The following NCOA2 variants were observed in gnomAD, a reference collection of about 807,000 sequenced individuals.
The protein encoded by NCOA2 is nuclear receptor coactivator 2.
In NCOA2, 21 loss-of-function variants were observed where a neutral mutation model predicts 145.1. The ratio of observed to expected loss-of-function variants is 0.14; its 90% CI spans 0.10 to 0.21. The LOEUF is 0.21. Ranked by LOEUF, NCOA2 falls within the 10% of genes least tolerant of loss-of-function variation. The pLI is 1.00. For synonymous variants in NCOA2, 619 were observed against 637.5 expected, an observed-to-expected ratio of 0.97 and a Z score of 0.44; for missense variants, 1,472 against 1,837.6, an observed-to-expected ratio of 0.80 and a Z score of 3.64.
intron 2 of NCOA2, among the ~76,000 whole-genome samples, chr8:70,289,623 A>G (rs1197856263): frequency 6.6e-6 from 1 of 152,060 alleles, no homozygotes; most frequent in African/African-American, 2.4e-5. Flanking sequence ...GGCACCAAAA[A>G]AGCCAAAACT....
chr8:70,281,456 G>A (rs1825875771), intron 2 of NCOA2, among the ~76,000 whole-genome samples: 1 of 151,896 alleles, frequency 6.6e-6, no homozygotes, highest in African/African-American at 2.4e-5. Flanking sequence ...TTCCACTTAG[G>A]GAGCATAAGC....
chr8:70,223,079 T>C (rs1820303208), intron 2 of NCOA2, among the ~76,000 whole-genome samples: 1 of 152,200 alleles, frequency 6.6e-6, no homozygotes, highest in Non-Finnish European at 1.5e-5. Context: ...CTGCATTCCT[T>C]GCATAACGTA....
intron 2 of NCOA2, among the ~76,000 whole-genome samples, chr8:70,241,620 C>A (rs938050912): frequency 1.3e-5 from 2 of 152,134 alleles, no homozygotes; most frequent in African/African-American, 4.8e-5. Flanking sequence ...TCTAACTGAA[C>A]CCAGCATCAT....
intron 1 of NCOA2, among the ~76,000 whole-genome samples, chr8:70,354,053 A>C (rs11986247): frequency 0.055 from 8,326 of 152,238 alleles, 304 homozygotes; most frequent in East Asian, 0.16. Flanking sequence ...AAAAAAAGGA[A>C]CTACTCTCTT....
intron 5 of NCOA2, among the ~76,000 whole-genome samples, chr8:70,173,013 C>T (rs753758321): frequency 2.0e-5 from 3 of 152,140 alleles, no homozygotes; most frequent in South Asian, 2.1e-4. Flanking sequence ...AGTGATTACA[C>T]GTAAACAGGG....
At chr8:70,311,431 T>C (rs949277229) in intron 1 of NCOA2, among the ~76,000 whole-genome samples, 1 of 152,196 alleles carries the variant, frequency 6.6e-6, no homozygotes, top group South Asian at 2.1e-4. Context: ...ATTTCTTTTT[T>C]AAAATATGAT....
At chr8:70,239,864 T>C (rs1586216475) in intron 2 of NCOA2, among the ~76,000 whole-genome samples, 1 of 152,290 alleles carries the variant, frequency 6.6e-6, no homozygotes, top group South Asian at 2.1e-4. Context: ...AGAGAAAAGA[T>C]ACACAGTGAG....
intron 2 of NCOA2, among the ~76,000 whole-genome samples, chr8:70,222,399 G>A (rs1000321118): frequency 1.3e-5 from 2 of 152,182 alleles, no homozygotes; most frequent in African/African-American, 4.8e-5. Flanking sequence ...ACTGGCTTTA[G>A]CACCTACCTT....
the NCOA2 span, among the ~76,000 whole-genome samples, chr8:70,450,111 T>G: frequency 1.3e-5 from 2 of 152,378 alleles, no homozygotes; most frequent in South Asian, 4.1e-4. Context: ...CCCTTATTTT[T>G]CGTTCCTTCT....
At chr8:70,232,894 T>TACACACACACACACACACACAC (rs1821259384) in intron 2 of NCOA2, among the ~76,000 whole-genome samples, 6 of 15,978 alleles carry the variant, frequency 3.8e-4, no homozygotes, top group African/African-American at 1.8e-3. Context: ...CACACACACG[T>TACACACACACACACACACACAC]GCGTAGATAT....
In NCOA2 at chr8:70,159,594, A is replaced by C. The variant is rs1254832941; in HGVS notation, c.1035T>G (p.Thr345=). 6.2e-7 allele frequency: 1 copy of C among 1,613,024 alleles called. No homozygotes were observed. The highest frequency in any genetic ancestry group is 2.2e-5 in the East Asian group (1 of 44,886). The part of the protein sequence containing the change: ...QIYRFSLSDG[T]LVAAQTKSKL... ...TGCTCTTCGTTTGTGCAGCAACAAG[A>C]GTGCCATCAGACAAGGAAAAACGAT... The change falls in exon 10 of 23, where the codon ACT becomes ACG. Residue 345 remains threonine, a synonymous_variant. Coordinates refer to ENST00000452400, the MANE Select transcript of NCOA2 (RefSeq NM_006540.4).
At chr8:70,201,946 A>T (rs1005371603) in intron 4 of NCOA2, among the ~76,000 whole-genome samples, 1 of 152,040 alleles carries the variant, frequency 6.6e-6, no homozygotes, top group Non-Finnish European at 1.5e-5. Flanking sequence ...CCCCGCTCCC[A>T]TTTTCTTGGC....
intron 1 of NCOA2, among the ~76,000 whole-genome samples, chr8:70,337,959 A>G (rs1271998131): frequency 6.6e-6 from 1 of 152,228 alleles, no homozygotes; most frequent in Non-Finnish European, 1.5e-5. Context: ...GGAAATTCGT[A>G]GCACTAAATG....
At chr8:70,271,676 T>C (rs1396351523) in intron 2 of NCOA2, among the ~76,000 whole-genome samples, 1 of 152,230 alleles carries the variant, frequency 6.6e-6, no homozygotes, top group Non-Finnish European at 1.5e-5. Context: ...CTGCGAAGCT[T>C]TGGCCTTCAG....
At chr8:70,412,622 T>C in the NCOA2 span, among the ~76,000 whole-genome samples, 3 of 118,420 alleles carry the variant, frequency 2.5e-5, no homozygotes, top group Non-Finnish European at 4.8e-5. Context: ...CACTCCAGCC[T>C]GGGCAACAGA....
chr8:70,114,078 C>G (rs910131661), intron 22 of NCOA2, among the ~76,000 whole-genome samples: 1 of 152,146 alleles, frequency 6.6e-6, no homozygotes, highest in Non-Finnish European at 1.5e-5. Context: ...CAGTACAAAC[C>G]CTTCTTCTAT....
At chr8:70,347,439 C>T (rs987334508) in intron 1 of NCOA2, among the ~76,000 whole-genome samples, 4 of 151,078 alleles carry the variant, frequency 2.6e-5, no homozygotes, top group Non-Finnish European at 5.9e-5. Flanking sequence ...GAGCCAAGAT[C>T]GTGCCATTGC....
intron 4 of NCOA2, among the ~76,000 whole-genome samples, chr8:70,204,541 C>T (rs1818239527): frequency 6.6e-6 from 1 of 152,148 alleles, no homozygotes; most frequent in South Asian, 2.1e-4. Context: ...GGAATGTATT[C>T]ACTCAGTTAC....
chr8:70,387,011 T>G (rs1378839583), intron 1 of NCOA2, among the ~76,000 whole-genome samples: 1 of 152,124 alleles, frequency 6.6e-6, no homozygotes, highest in Non-Finnish European at 1.5e-5. Flanking sequence ...CCTGGACTCA[T>G]GCAATTCTCC....
Sources: allele counts gnomAD v4.1 joint callset (sites outside exome capture counted in the v4.1 genomes callset), GRCh38; gene constraint gnomAD v4.1.1; transcripts MANE v1.5; gene names NCBI Gene and HGNC (gene_info 2026-07-23, HGNC 2026-07-21).